The following RNFT2 variants were observed in gnomAD, a reference collection of about 807,000 sequenced individuals.
The protein encoded by RNFT2 is ring finger protein, transmembrane 2.
Under a neutral mutation model 53.0 loss-of-function variants are expected in RNFT2, and 36 were observed. That is an observed-to-expected ratio of 0.68 (90% CI 0.52 to 0.90). RNFT2 has a LOEUF of 0.90. RNFT2 is among the 40% of genes least tolerant of loss of function. The pLI, the probability that RNFT2 is intolerant of heterozygous loss-of-function variation, is 0.00. For missense variants in RNFT2, 514 were observed against 585.6 expected, an observed-to-expected ratio of 0.88 and a Z score of 1.26; for synonymous variants, 260 against 253.2, an observed-to-expected ratio of 1.03 and a Z score of -0.26.
At chr12:116,763,673 G>A (rs773534095) in intron 5 of RNFT2, among the ~76,000 whole-genome samples, 79 of 152,010 alleles carry the variant, frequency 5.2e-4, no homozygotes, top group Non-Finnish European at 8.8e-4. Context: ...CAGCTACTCG[G>A]GAGGCTGAGG....
intron 7 of RNFT2, among the ~76,000 whole-genome samples, chr12:116,833,352 T>C (rs1182120930): frequency 6.6e-6 from 1 of 152,232 alleles, no homozygotes; most frequent in African/African-American, 2.4e-5. Context: ...GTGCCCATCC[T>C]GCCCAGGCCC....
chr12:116,822,873 T>C (rs919223383), intron 7 of RNFT2, among the ~76,000 whole-genome samples: 1 of 152,158 alleles, frequency 6.6e-6, no homozygotes, highest in African/African-American at 2.4e-5. Flanking sequence ...GGTGCACGCC[T>C]ATAATCCCAG....
At chr12:116,808,060 T>C (rs1486545528) in intron 7 of RNFT2, among the ~76,000 whole-genome samples, 1 of 151,998 alleles carries the variant, frequency 6.6e-6, no homozygotes, top group Non-Finnish European at 1.5e-5. Context: ...GCCTCCCAGG[T>C]TCAAGTCGTT....
chr12:116,836,654 G>T (rs1876989963), intron 10 of RNFT2, among the ~76,000 whole-genome samples: 1 of 152,168 alleles, frequency 6.6e-6, no homozygotes, highest in African/African-American at 2.4e-5. Flanking sequence ...GCCAGGCACA[G>T]TGGCTCACAC....
At chr12:116,791,124 A>G (rs1473413383) in intron 7 of RNFT2, among the ~76,000 whole-genome samples, 1 of 152,206 alleles carries the variant, frequency 6.6e-6, no homozygotes, top group Non-Finnish European at 1.5e-5. Context: ...AAGCAGTCAC[A>G]TTCCATTCCC....
intron 7 of RNFT2, among the ~76,000 whole-genome samples, chr12:116,817,633 T>A (rs117263506): frequency 0.04 from 6,043 of 152,302 alleles, 172 homozygotes; most frequent in South Asian, 0.085. Context: ...ACTACTGTAG[T>A]ACACTTAAGA....
Position 116,813,546 on chromosome 12 carries a change from G to A in RNFT2, c.883-20246G>A, listed in dbSNP as rs201768000. Among the ~76,000 whole-genome samples, 28 of 152,270 alleles carry A rather than the reference G, an allele frequency of 1.8e-4. No individual in the cohort carries two copies. The East Asian group carries it at 3.9e-3, about 21-fold the overall frequency. On this transcript the variant is annotated intron_variant, in intron 7 of 10. Coordinates refer to ENST00000257575, the MANE Select transcript of RNFT2 (RefSeq NM_001382266.1). ...CTCACCTGTGTGCTTCCATAGCCCC[G>A]AGGCCACTTCTGTTGTGAATGCATC...
rs1359148327 is a variant in RNFT2 at position 116,841,794 on chromosome 12, AATAT to A, written c.1200+5520_1200+5523del. On this transcript the variant is annotated intron_variant, in intron 10 of 10. Transcript: ENST00000257575. ...ATATATATATAAATATATATATATA[AATAT>A]ATATATAAATATATATATAAAAATA... is the stretch of plus-strand genomic sequence containing the variant. Among the ~76,000 whole-genome samples, 191 of 94,666 alleles carry A rather than the reference AATAT, an allele frequency of 2.0e-3. 13 individuals carry two copies. The highest frequency in any genetic ancestry group is 9.1e-3 in the African/African-American group (179 of 19,760). 62.1% of individuals were successfully genotyped at this position (94,666 alleles called of 152,430 possible).
intron 7 of RNFT2, among the ~76,000 whole-genome samples, chr12:116,828,256 C>G (rs1374246348): frequency 6.6e-6 from 1 of 152,178 alleles, no homozygotes; most frequent in African/African-American, 2.4e-5. Flanking sequence ...CTTGGATGTG[C>G]ACTCGGGTCA....
chr12:116,798,314 C>A (rs922865386), intron 7 of RNFT2, among the ~76,000 whole-genome samples: 15 of 151,826 alleles, frequency 9.9e-5, no homozygotes, highest in African/African-American at 3.6e-4. Context: ...TAGTAACATT[C>A]TATATACAGC....
At chr12:116,753,211 T>C (rs1285931608) in intron 4 of RNFT2, among the ~76,000 whole-genome samples, 2 of 134,766 alleles carry the variant, frequency 1.5e-5, no homozygotes, top group Non-Finnish European at 3.1e-5. Flanking sequence ...AGTGCAGTGG[T>C]GTGATCTCAA....
chr12:116,833,388 G>A (rs540233062), intron 7 of RNFT2, among the ~76,000 whole-genome samples: 28 of 152,318 alleles, frequency 1.8e-4, no homozygotes, highest in African/African-American at 5.1e-4. Context: ...TGTGATGCTC[G>A]AGTCAGCCCT....
chr12:116,796,210 C>T (rs542480044), intron 7 of RNFT2, among the ~76,000 whole-genome samples: 64 of 151,962 alleles, frequency 4.2e-4, no homozygotes, highest in Non-Finnish European at 6.5e-4. Context: ...TGCCCAGCCT[C>T]TCCAGTGGTC....
Position 116,749,908 on chromosome 12 carries a change from GC to G in RNFT2, c.152del (p.Ala51GlufsTer106). The G allele has an allele frequency of 6.3e-7, 1 of 1,587,142 alleles. No individual in the cohort carries two copies. The highest frequency in any genetic ancestry group is 1.8e-5 in the Admixed American group (1 of 55,960). On this transcript the variant is annotated frameshift_variant, in exon 4 of 11. Transcript: ENST00000257575. LOFTEE classifies it high-confidence loss of function. ...DEGGVFESLKAEAASPPALFS... is the reference protein window; with the variant it reads ...DEGGVFESLKXEAASPPALFS... The stretch of plus-strand genomic sequence containing the variant: ...AGGTGGCGTCTTTGAGAGTCTGAAG[GC>G]AGAGGCAGCCTCCCCACCAGCGCTC...
chr12:116,741,821 A>T (rs955076685), intron 3 of RNFT2, among the ~76,000 whole-genome samples: 5 of 151,934 alleles, frequency 3.3e-5, no homozygotes, highest in African/African-American at 9.7e-5. Flanking sequence ...GCTAATTTTT[A>T]AAATTTTTTG....
chr12:116,851,390 C>G lies in RNFT2; in HGVS notation c.*1942C>G. 3.4e-6 allele frequency: 1 copy of G among 294,516 alleles called. No homozygotes were observed. Among genetic ancestry groups the G allele is most frequent in the South Asian group, 3.9e-5 (1 of 25,772 alleles). 18.2% of individuals were successfully genotyped at this position (294,516 alleles called of 1,614,324 possible). A position where few individuals can be genotyped will look rare whatever the true frequency, so the allele number is the denominator to read the frequency against. On this transcript the variant is annotated 3_prime_UTR_variant, in exon 11 of 11. Transcript: ENST00000257575. The stretch of plus-strand genomic sequence containing the variant: ...AGAGCCCGCACTCTTAACCTCCGCA[C>G]TGCTCTGCCCCTCAGACATTCCAGG...
At chr12:116,804,027 T>C (rs1196132971) in intron 7 of RNFT2, among the ~76,000 whole-genome samples, 1 of 152,224 alleles carries the variant, frequency 6.6e-6, no homozygotes, top group East Asian at 1.9e-4. Context: ...CATGGCAGTA[T>C]CTCTGCCACA....
chr12:116,758,017 C>T (rs1872571672), intron 5 of RNFT2, among the ~76,000 whole-genome samples: 1 of 152,144 alleles, frequency 6.6e-6, no homozygotes, highest in Non-Finnish European at 1.5e-5. Flanking sequence ...GTGTTAGGTG[C>T]ATATATATTT....
At chr12:116,802,943 A>AG (rs1264877933) in intron 7 of RNFT2, among the ~76,000 whole-genome samples, 1 of 151,966 alleles carries the variant, frequency 6.6e-6, no homozygotes, top group East Asian at 1.9e-4. Flanking sequence ...AAAAAAAAAA[A>AG]AATTAGCCTA....
Sources: allele counts gnomAD v4.1 joint callset (sites outside exome capture counted in the v4.1 genomes callset), GRCh38; gene constraint gnomAD v4.1.1; transcripts MANE v1.5; gene names NCBI Gene and HGNC (gene_info 2026-07-23, HGNC 2026-07-21).